ECE1: variants seen among roughly 807,000 people sequenced by gnomAD.
The protein encoded by ECE1 is endothelin-converting enzyme 1.
ECE1 carries 35 observed loss-of-function variants against 98.6 expected under a neutral mutation model. The observed-to-expected ratio is 0.35, with a 90% CI of 0.27 to 0.47. ECE1 has a LOEUF of 0.47. Ranked by LOEUF, ECE1 falls within the 20% of genes least tolerant of loss-of-function variation. The probability of loss-of-function intolerance (pLI) is 1.00; values close to 1 mark genes in which losing one functional copy is unlikely to be tolerated. For missense variants in ECE1, 814 were observed against 1,025.3 expected, an observed-to-expected ratio of 0.79 and a Z score of 2.81; for synonymous variants, 394 against 407.1, an observed-to-expected ratio of 0.97 and a Z score of 0.39.
At position 21,260,449 on chromosome 1, in the gene ECE1, T is replaced by C. The variant is rs2098225306; in HGVS notation, c.494-57A>G. 6.2e-7 allele frequency: 1 copy of C among 1,608,286 alleles called. No homozygotes were observed. The highest frequency in any genetic ancestry group is 8.5e-7 in the Non-Finnish European group (1 of 1,175,152). ...GGCCCCACTTGCCCACTGGGTGGCT[T>C]TGGGGCAGTCCCTCTTTTCGGAGCC... is the stretch of plus-strand genomic sequence containing the variant. On this transcript the variant is annotated intron_variant, in intron 4 of 18. Coordinates refer to ENST00000374893, the MANE Select transcript of ECE1 (RefSeq NM_001397.3). The surrounding 1 kb of genome is among the most constrained non-coding windows in gnomAD (Gnocchi z 4.3).
At chr1:21,261,476 A>C (rs1156626967) in intron 4 of ECE1, among the ~76,000 whole-genome samples, 1 of 151,956 alleles carries the variant, frequency 6.6e-6, no homozygotes, top group Non-Finnish European at 1.5e-5. Flanking sequence ...TCTGCATGGG[A>C]CCCTGTTAAA....
At chr1:21,288,119 C>T (rs1467400725) in intron 2 of ECE1, among the ~76,000 whole-genome samples, 1 of 152,198 alleles carries the variant, frequency 6.6e-6, no homozygotes, top group East Asian at 1.9e-4. Flanking sequence ...GCTGGGTACC[C>T]ACAAAAATGC....
At chr1:21,328,141 T>C (rs1355752981) in intron 1 of ECE1, among the ~76,000 whole-genome samples, 2 of 152,244 alleles carry the variant, frequency 1.3e-5, no homozygotes, top group African/African-American at 4.8e-5. Flanking sequence ...CCTTTGCACA[T>C]GCTGTTCTCA....
At position 21,238,801 on chromosome 1, in the gene ECE1, C is replaced by T. The variant is rs897464783; in HGVS notation, c.1279-557G>A. On this transcript the variant is annotated intron_variant, in intron 10 of 18. Transcript: ENST00000374893. Reference sequence around the variant, plus strand: ...TCAAATGAGAACACCACAGCAACACCGCAGGACTTTTTTCTTTTTTTCTTT... The same window carrying T: ...TCAAATGAGAACACCACAGCAACACTGCAGGACTTTTTTCTTTTTTTCTTT... Among the ~76,000 whole-genome samples, 8 of 152,004 alleles carry T rather than the reference C, an allele frequency of 5.3e-5. No homozygotes were observed. In the East Asian group the frequency reaches 7.7e-4, roughly 15 times the overall value.
At chr1:21,245,641 T>C (rs1241765916) in intron 9 of ECE1, among the ~76,000 whole-genome samples, 1 of 152,188 alleles carries the variant, frequency 6.6e-6, no homozygotes, top group Non-Finnish European at 1.5e-5. Flanking sequence ...AGAAGTCACC[T>C]TGAGACTGTA....
intron 1 of ECE1, among the ~76,000 whole-genome samples, chr1:21,315,332 C>A (rs906140210): frequency 1.3e-5 from 2 of 152,244 alleles, no homozygotes; most frequent in African/African-American, 4.8e-5. Context: ...GGGTCCCAAC[C>A]TTTGCAGTTC....
At chr1:21,228,075 C>T in intron 14 of ECE1, 34 bp from the exon 15 acceptor site, 1 of 1,530,296 alleles carries the variant, frequency 6.5e-7, no homozygotes, top group Non-Finnish European at 8.8e-7. Context: ...GGTCTCAGCA[C>T]AGGGCGGGAG....
At chr1:21,293,582 A>G (rs1056277390), upstream of ECE1, 7 of 151,640 alleles carry the variant, frequency 4.6e-5, no homozygotes, top group African/African-American at 1.7e-4. Flanking sequence ...AGCTCACGGA[A>G]CTCCCAAGCA....
chr1:21,310,440 G>C (rs1482937050), intron 1 of ECE1, among the ~76,000 whole-genome samples: 3 of 152,170 alleles, frequency 2.0e-5, no homozygotes. Context: ...TGACTTAGTA[G>C]AGGTGGGGCC....
rs541917852 is a variant in ECE1 at position 21,307,896 on chromosome 1, G to A, written c.4-17740C>T. 6.6e-6 allele frequency among the ~76,000 whole-genome samples: 1 copy of A among 152,118 alleles called. No individual in the cohort carries two copies. Among genetic ancestry groups the A allele is most frequent in the East Asian group, 1.9e-4 (1 of 5,188 alleles). ...CCGCCTTGAGCATCCTTGTCAGGCA[G>A]AGATCTGGGCAGGACAGAAGAGAGG... On this transcript the variant is annotated intron_variant, in intron 1 of 18. Coordinates refer to the ECE1 transcript ENST00000415912. The surrounding 1 kb of genome is among the most constrained non-coding windows in gnomAD (Gnocchi z 4.2).
chr1:21,239,786 T>C (rs1012191059), intron 10 of ECE1, among the ~76,000 whole-genome samples: 3 of 142,902 alleles, frequency 2.1e-5, no homozygotes, highest in African/African-American at 7.6e-5. Flanking sequence ...TTTTTCTTTC[T>C]TTTTTTTTTT....
chr1:21,286,695 C>A (rs1403130097), intron 2 of ECE1, among the ~76,000 whole-genome samples: 1 of 152,008 alleles, frequency 6.6e-6, no homozygotes, highest in East Asian at 1.9e-4. Context: ...GAGGCTGAGG[C>A]AGGAGGATCA....
At position 21,256,040 on chromosome 1, in the gene ECE1, G is replaced by A; in HGVS notation, c.927C>T (p.Asp309=). 6.2e-7 allele frequency: 1 copy of A among 1,613,350 alleles called. No individual in the cohort carries two copies. The highest frequency in any genetic ancestry group is 8.5e-7 in the Non-Finnish European group (1 of 1,179,250). ...AIRPQMQQIL[D]FETALANITI... The stretch of plus-strand genomic sequence containing the variant: ...TGATGTTGGCCAGTGCCGTCTCAAA[G>A]TCCAAGATCTGCTGCATCTGGGGCC... The change falls in exon 8 of 19, where the codon GAC becomes GAT. Residue 309 remains aspartate (D), a synonymous_variant. Coordinates refer to ENST00000374893, the MANE Select transcript of ECE1 (RefSeq NM_001397.3).
At chr1:21,242,542 G>A (rs2098197889) in intron 10 of ECE1, among the ~76,000 whole-genome samples, 1 of 152,236 alleles carries the variant, frequency 6.6e-6, no homozygotes. Flanking sequence ...CCCAGACTCT[G>A]TCACAGTTGG....
At chr1:21,325,200 T>C (rs1639052438) in intron 1 of ECE1, among the ~76,000 whole-genome samples, 1 of 152,174 alleles carries the variant, frequency 6.6e-6, no homozygotes, top group Non-Finnish European at 1.5e-5. Flanking sequence ...ATAAACTGGC[T>C]CCAGGACCAC....
chr1:21,282,605 G>GA (rs1418023974), intron 2 of ECE1, among the ~76,000 whole-genome samples: 6 of 135,328 alleles, frequency 4.4e-5, no homozygotes, highest in Admixed American at 3.9e-4. Context: ...AAAAAAAAAA[G>GA]AAAGAAAAGA....
chr1:21,329,987 G>A (rs1372628474), intron 1 of ECE1, among the ~76,000 whole-genome samples: 1 of 152,082 alleles, frequency 6.6e-6, no homozygotes, highest in Non-Finnish European at 1.5e-5. Context: ...GAGCCAGACT[G>A]TTCAGGTTTA....
At chr1:21,309,565 C>T (rs769275918) in intron 1 of ECE1, among the ~76,000 whole-genome samples, 3 of 152,136 alleles carry the variant, frequency 2.0e-5, no homozygotes, top group Admixed American at 6.5e-5. Context: ...AGGATCTGCC[C>T]GGACATCAGC....
chr1:21,268,601 C>A (rs1248172053), intron 4 of ECE1, among the ~76,000 whole-genome samples: 1 of 152,238 alleles, frequency 6.6e-6, no homozygotes, highest in East Asian at 1.9e-4. Context: ...TCGGCTGACA[C>A]AATCCACACT....
Sources: gnomAD v4.1 joint callset for allele counts (sites outside exome capture counted in the v4.1 genomes callset) on GRCh38, gnomAD v4.1.1 for gene constraint, Gnocchi (gnomAD v3.1) non-coding constraint, MANE v1.5 for transcripts, NCBI Gene and HGNC (gene_info 2026-07-23, HGNC 2026-07-21) for gene names.